Variants in FBXL7 observed in about 807,000 individuals in gnomAD.
FBXL7 encodes F-box and leucine rich repeat protein 7, also known as F-box/LRR-repeat protein 7.
Under a neutral mutation model 38.3 loss-of-function variants are expected in FBXL7, and 12 were observed. That is an observed-to-expected ratio of 0.31 (90% confidence interval 0.20 to 0.51). FBXL7 has a LOEUF of 0.51. Among genes scored for constraint, FBXL7 ranks in the 20% least tolerant of loss-of-function variants. The probability of loss-of-function intolerance (pLI) is 0.98; values close to 1 mark genes in which losing one functional copy is unlikely to be tolerated. For missense variants in FBXL7, 567 were observed against 676.4 expected (o/e 0.84, Z 1.79); for synonymous variants, 297 against 300.9 (o/e 0.99, Z 0.13).
At chr5:15,634,414 G>C (rs573852564) in intron 2 of FBXL7, among the ~76,000 whole-genome samples, 1 of 142,568 alleles carries the variant, frequency 7.0e-6, no homozygotes, top group African/African-American at 2.6e-5. Flanking sequence ...CCCCGCCTCC[G>C]AAGTTCAAGC....
At chr5:15,679,113 T>C (rs1742754203) in intron 2 of FBXL7, among the ~76,000 whole-genome samples, 1 of 152,194 alleles carries the variant, frequency 6.6e-6, no homozygotes, top group Non-Finnish European at 1.5e-5. Context: ...CCTGAAATGA[T>C]TCTGACTAGC....
At chr5:15,645,439 G>A (rs1195352809) in intron 2 of FBXL7, among the ~76,000 whole-genome samples, 2 of 152,074 alleles carry the variant, frequency 1.3e-5, no homozygotes, top group Non-Finnish European at 2.9e-5. Flanking sequence ...TTCCCTGCTT[G>A]GAGTTTTCCT....
chr5:15,831,253 G>A (rs189763447), intron 2 of FBXL7, among the ~76,000 whole-genome samples: 98 of 152,290 alleles, frequency 6.4e-4, no homozygotes, highest in Non-Finnish European at 1.1e-3. Flanking sequence ...AGGTGGGAAA[G>A]GGAGTAGACA....
At chr5:15,517,059 C>T (rs1383659530) in intron 1 of FBXL7, among the ~76,000 whole-genome samples, 4 of 151,898 alleles carry the variant, frequency 2.6e-5, no homozygotes, top group Non-Finnish European at 4.4e-5. Context: ...CAGAGTCTCG[C>T]TCTGTCGCCC....
intron 2 of FBXL7, among the ~76,000 whole-genome samples, chr5:15,719,039 A>C (rs1262583994): frequency 2.0e-5 from 3 of 152,252 alleles, no homozygotes; most frequent in Non-Finnish European, 4.4e-5. Flanking sequence ...GAACTGACTC[A>C]AACCAGTGTA....
At chr5:15,723,576 C>G (rs922639958) in intron 2 of FBXL7, among the ~76,000 whole-genome samples, 1 of 152,140 alleles carries the variant, frequency 6.6e-6, no homozygotes. Flanking sequence ...GGCAGTAATA[C>G]GCATGACATA....
At chr5:15,511,543 C>A (rs1408920857) in intron 1 of FBXL7, among the ~76,000 whole-genome samples, 2 of 152,238 alleles carry the variant, frequency 1.3e-5, no homozygotes, top group African/African-American at 2.4e-5. Context: ...TTTAAAACAG[C>A]AGATGCTATG....
chr5:15,914,789 A>G (rs1478669822), intron 2 of FBXL7, among the ~76,000 whole-genome samples: 2 of 152,222 alleles, frequency 1.3e-5, no homozygotes, highest in African/African-American at 4.8e-5. Context: ...TTGGTGCATT[A>G]GTTGAGCAGC....
At chr5:15,536,974 T>G (rs968398599) in intron 1 of FBXL7, among the ~76,000 whole-genome samples, 1 of 152,182 alleles carries the variant, frequency 6.6e-6, no homozygotes, top group African/African-American at 2.4e-5. Context: ...GTTCTTGTGA[T>G]AGTGAGTGAG....
intron 2 of FBXL7, among the ~76,000 whole-genome samples, chr5:15,877,763 T>C (rs995143248): frequency 2.0e-5 from 3 of 152,326 alleles, no homozygotes; most frequent in Non-Finnish European, 4.4e-5. Context: ...CATAATGCTT[T>C]CTAAATTTTT....
At chr5:15,550,844 C>G (rs1217968393) in intron 1 of FBXL7, among the ~76,000 whole-genome samples, 2 of 152,182 alleles carry the variant, frequency 1.3e-5, no homozygotes, top group Non-Finnish European at 2.9e-5. Flanking sequence ...CAGTGTGAGT[C>G]CTGACTCCAC....
At chr5:15,933,346 G>C (rs1742090247) in intron 3 of FBXL7, among the ~76,000 whole-genome samples, 1 of 152,214 alleles carries the variant, frequency 6.6e-6, no homozygotes, top group Non-Finnish European at 1.5e-5. Context: ...CTTTCCTAGA[G>C]TGTAGCAGAT....
intron 2 of FBXL7, among the ~76,000 whole-genome samples, chr5:15,771,770 ATTTT>A (rs35138853): frequency 7.9e-5 from 9 of 113,256 alleles, no homozygotes; most frequent in Non-Finnish European, 1.1e-4. Context: ...GGATTAACAG[ATTTT>A]TTTTTTTTTT....
At chr5:15,933,133 G>T (rs1742084661) in intron 3 of FBXL7, among the ~76,000 whole-genome samples, 1 of 152,158 alleles carries the variant, frequency 6.6e-6, no homozygotes, top group African/African-American at 2.4e-5. Flanking sequence ...GCTGAGCCAT[G>T]AACCAATTTA....
intron 1 of FBXL7, among the ~76,000 whole-genome samples, chr5:15,591,318 A>G (rs896458844): frequency 6.6e-6 from 1 of 151,596 alleles, no homozygotes; most frequent in Non-Finnish European, 1.5e-5. Flanking sequence ...AGTCCCAGCT[A>G]CTCGGGAGGC....
chr5:15,516,490 A>G (rs1474909565), intron 1 of FBXL7, among the ~76,000 whole-genome samples: 1 of 152,166 alleles, frequency 6.6e-6, no homozygotes, highest in Non-Finnish European at 1.5e-5. Flanking sequence ...CTTACTTTGC[A>G]TATAGTTACT....
intron 2 of FBXL7, among the ~76,000 whole-genome samples, chr5:15,897,129 T>C (rs1741122283): frequency 6.6e-6 from 1 of 152,112 alleles, no homozygotes; most frequent in African/African-American, 2.4e-5. Context: ...TGAGACTCTA[T>C]CTCTCTCTAT....
At chr5:15,808,490 C>T (rs1425104006) in intron 2 of FBXL7, among the ~76,000 whole-genome samples, 1 of 152,128 alleles carries the variant, frequency 6.6e-6, no homozygotes, top group Non-Finnish European at 1.5e-5. Context: ...CAGGCGACAC[C>T]ATGGGCATGA....
At chr5:15,775,303 T>A (rs1379934604) in intron 2 of FBXL7, among the ~76,000 whole-genome samples, 1 of 152,200 alleles carries the variant, frequency 6.6e-6, no homozygotes, top group Non-Finnish European at 1.5e-5. Flanking sequence ...AATTTATTAC[T>A]GTATTTTTAT....
Sources: allele counts gnomAD v4.1 joint callset (sites outside exome capture counted in the v4.1 genomes callset), GRCh38; gene constraint gnomAD v4.1.1; transcripts MANE v1.5; gene names NCBI Gene and HGNC (gene_info 2026-07-23, HGNC 2026-07-21).